Variants in EP300 observed in about 807,000 individuals in gnomAD.
EP300 encodes histone acetyltransferase p300.
EP300 carries 31 observed loss-of-function variants against 264.0 expected under a neutral mutation model. The observed-to-expected ratio is 0.12, with a 90% CI of 0.09 to 0.16. EP300 has a LOEUF of 0.16. Among genes scored for constraint, EP300 ranks in the 10% least tolerant of loss-of-function variants. EP300 has a pLI of 1.00. For synonymous variants in EP300, 1,340 were observed against 1,045.4 expected (o/e 1.28, Z -5.44); for missense variants, 2,766 against 3,052.9 (o/e 0.91, Z 2.21).
At chr22:41,173,453 G>C (rs1000765580) in intron 28 of EP300, among the ~76,000 whole-genome samples, 170 bp from the exon 29 acceptor site, 9 of 152,084 alleles carry the variant, frequency 5.9e-5, no homozygotes, top group African/African-American at 2.2e-4. Flanking sequence ...GAGAAAATTA[G>C]GTCAAATAAC....
chr22:41,167,009 T>C (rs1299171676), intron 23 of EP300, among the ~76,000 whole-genome samples: 2 of 152,222 alleles, frequency 1.3e-5, no homozygotes, highest in Non-Finnish European at 2.9e-5. Context: ...ATTTTTTATT[T>C]TATTTTTTGA....
chr22:41,179,733 GAATT>G lies in EP300; in HGVS notation c.*778_*781del. On this transcript the variant is annotated 3_prime_UTR_variant, in exon 31 of 31. Transcript: ENST00000263253. Reference sequence around the variant, plus strand: ...ATATTGTGGTTTCTGTTTCTTGAAAGAATTTTTTTCGTTATTTTTACATCTAACA... The same window carrying G: ...ATATTGTGGTTTCTGTTTCTTGAAAGTTTTTCGTTATTTTTACATCTAACA... 4.4e-6 allele frequency: 1 copy of G among 229,672 alleles called. No individual in the cohort carries two copies. Among genetic ancestry groups the G allele is most frequent in the African/African-American group, 2.2e-5 (1 of 44,958 alleles). 14.2% of individuals were successfully genotyped at this position (229,672 alleles called of 1,614,324 possible).
intron 5 of EP300, among the ~76,000 whole-genome samples, chr22:41,130,445 C>T (rs2058911848): frequency 6.6e-6 from 1 of 151,828 alleles, no homozygotes; most frequent in African/African-American, 2.4e-5. Flanking sequence ...GAGAGGATTG[C>T]TTGAATCCAG....
Position 41,140,215 on chromosome 22 carries a change from T to C in EP300, c.1836T>C (p.Ala612=), listed in dbSNP as rs756859825. The part of the protein sequence containing the change: ...DRRMENLVAY[A]RKVEGDMYES... The stretch of plus-strand genomic sequence containing the variant: ...GGATGGAAAACCTAGTTGCATATGC[T>C]CGGAAAGTTGAAGGGGACATGTATG... The change falls in exon 9 of 31, where the codon GCT becomes GCC. Residue 612 remains alanine, a synonymous_variant. Transcript: ENST00000263253. The C allele has an allele frequency of 6.2e-7, 1 of 1,613,994 alleles. No homozygotes were observed. Among genetic ancestry groups the C allele is most frequent in the Non-Finnish European group, 8.5e-7 (1 of 1,179,896 alleles).
At chr22:41,159,139 C>T (rs555416852) in intron 19 of EP300, 1 of 153,490 alleles carries the variant, frequency 6.5e-6, no homozygotes, top group South Asian at 2.0e-4. Context: ...ACTAATCTAT[C>T]TTAACCACAA....
At position 41,162,739 on chromosome 22, in the gene EP300, C is replaced by A. The variant is rs746090478; in HGVS notation, c.3688C>A (p.Gln1230Lys). 1 of 1,612,430 alleles carries A rather than the reference C, an allele frequency of 6.2e-7. No homozygotes were observed. Among genetic ancestry groups the A allele is most frequent in the Admixed American group, 1.7e-5 (1 of 59,996 alleles). The change falls in exon 21 of 31, where the codon CAA (glutamine) becomes AAA (lysine). Residue 1230 changes from glutamine to lysine, a missense_variant. Physicochemically the swap from Gln to Lys is moderately conservative, Grantham distance 53. Transcript: ENST00000263253. The part of the protein sequence containing the change: ...SQPQTTINKE[Q>K]FSKRKNDTLD... ...TCTCCTTAGTACAATAAATAAAGAA[C>A]AATTTTCCAAGAGAAAAAATGACAC... is the stretch of plus-strand genomic sequence containing the variant.
At chr22:41,146,949 G>A (rs2059014432) in intron 11 of EP300, 133 bp downstream of exon 11, 1 of 799,776 alleles carries the variant, frequency 1.3e-6, no homozygotes, top group Non-Finnish European at 2.1e-6. Context: ...AAGAGGGGGT[G>A]AAGAGCAGGT....
At chr22:41,168,303 T>C in intron 23 of EP300, 146 bp from the exon 24 acceptor site, 1 of 834,772 alleles carries the variant, frequency 1.2e-6, no homozygotes, top group Non-Finnish European at 2.0e-6. Flanking sequence ...ATCTGCAAAG[T>C]AGTGACTACT....
chr22:41,099,696 A>G (rs549529999), intron 1 of EP300, among the ~76,000 whole-genome samples: 7 of 152,266 alleles, frequency 4.6e-5, no homozygotes, highest in Non-Finnish European at 8.8e-5. Flanking sequence ...TCTCTTTGGC[A>G]TATCCATATA....
intron 1 of EP300, among the ~76,000 whole-genome samples, chr22:41,098,467 G>A (rs533095436): frequency 7.9e-5 from 12 of 152,204 alleles, no homozygotes; most frequent in Admixed American, 4.6e-4. Context: ...CGCCTCCCGG[G>A]TTCAAGCCAT....
At chr22:41,114,343 G>A (rs1441632883) in intron 1 of EP300, among the ~76,000 whole-genome samples, 1 of 152,100 alleles carries the variant, frequency 6.6e-6, no homozygotes, top group Non-Finnish European at 1.5e-5. Context: ...CACTAGGCCT[G>A]GCTAAGTTTT....
intron 4 of EP300, among the ~76,000 whole-genome samples, chr22:41,128,776 G>T (rs2058898365): frequency 6.6e-6 from 1 of 152,126 alleles, no homozygotes. Context: ...CTCCCAAAGT[G>T]TTAGGATTAC....
At chr22:41,109,051 G>C (rs188226389) in intron 1 of EP300, among the ~76,000 whole-genome samples, 71 of 152,202 alleles carry the variant, frequency 4.7e-4, no homozygotes, top group African/African-American at 1.7e-3. Flanking sequence ...AAGGTGGGAG[G>C]CTTGCCTGAG....
At chr22:41,163,651 G>A (rs2059119685) in intron 21 of EP300, among the ~76,000 whole-genome samples, 2 of 151,986 alleles carry the variant, frequency 1.3e-5, no homozygotes, top group African/African-American at 2.4e-5. Context: ...GGAGGCTGAG[G>A]CAGGAGAATC....
chr22:41,125,621 A>T (rs1022155015), intron 2 of EP300, among the ~76,000 whole-genome samples: 1 of 152,142 alleles, frequency 6.6e-6, no homozygotes, highest in African/African-American at 2.4e-5. Context: ...GGCTTCACTG[A>T]TAATCCCACT....
chr22:41,177,672 A>G lies in EP300; in HGVS notation c.5961A>G (p.Thr1987=), dbSNP rs752192809. The G allele has an allele frequency of 1.4e-5, 22 of 1,613,850 alleles. No individual in the cohort carries two copies. The East Asian group carries it at 4.2e-4, about 31-fold the overall frequency. The change falls in exon 31 of 31, where the codon ACA becomes ACG. Residue 1987 remains threonine, a synonymous_variant. Transcript: ENST00000263253. ...ATTTGGAGCCAGGGATGGGACCGAC[A>G]GGGATGCAGCAACAGCCACCCTGGA... ...SGHLEPGMGP[T]GMQQQPPWSQ...
intron 5 of EP300, among the ~76,000 whole-genome samples, chr22:41,130,206 A>C (rs1170012710): frequency 6.6e-6 from 1 of 150,964 alleles, no homozygotes; most frequent in African/African-American, 2.4e-5. Flanking sequence ...AGCTATGGTC[A>C]TGTTACTGCG....
At position 41,117,473 on chromosome 22, in the gene EP300, A is replaced by G. The variant is rs1359910285; in HGVS notation, c.381A>G (p.Thr127=). 1.2e-6 allele frequency: 2 copies of G among 1,613,728 alleles called. No homozygotes were observed. Among genetic ancestry groups the G allele is most frequent in the Admixed American group, 1.7e-5 (1 of 60,002 alleles). ...LINSMVKSPM[T]QAGLTSPNMG... Reference sequence around the variant, plus strand: ...ATAGCATGGTCAAAAGCCCAATGACACAGGCAGGCTTGACTTCTCCCAACA... The same window carrying G: ...ATAGCATGGTCAAAAGCCCAATGACGCAGGCAGGCTTGACTTCTCCCAACA... The change falls in exon 2 of 31, where the codon ACA becomes ACG. Residue 127 remains threonine, a synonymous_variant. Transcript: ENST00000263253.
At chr22:41,119,187 T>A (rs151281772) in intron 2 of EP300, among the ~76,000 whole-genome samples, 19,952 of 87,330 alleles carry the variant, frequency 0.23, 1,980 homozygotes, top group South Asian at 0.4. Flanking sequence ...TTTTTTTTTT[T>A]TTTTTTTTTT....
Sources: gnomAD v4.1 joint callset for allele counts (sites outside exome capture counted in the v4.1 genomes callset) on GRCh38, gnomAD v4.1.1 for gene constraint, MANE v1.5 for transcripts, NCBI Gene and HGNC (gene_info 2026-07-23, HGNC 2026-07-21) for gene names.